The following NPSR1 variants were observed in gnomAD, a reference collection of about 807,000 sequenced individuals.
NPSR1 encodes neuropeptide S receptor.
Under a neutral mutation model 46.9 loss-of-function variants are expected in NPSR1, and 48 were observed. The observed-to-expected ratio is 1.02, with a 90% confidence interval of 0.81 to 1.30. The LOEUF (loss-of-function observed/expected upper bound fraction) is 1.30, where lower values mean the gene tolerates loss of function less well. NPSR1 is among the 50% of genes most tolerant of loss of function. NPSR1 has a pLI of 0.00. For synonymous variants in NPSR1, 176 were observed against 168.1 expected, an observed-to-expected ratio of 1.05 and a Z score of -0.36; for missense variants, 450 against 449.5, an observed-to-expected ratio of 1.00 and a Z score of -0.01.
At chr7:34,809,199 C>G (rs956401942) in intron 3 of NPSR1, among the ~76,000 whole-genome samples, 2 of 152,140 alleles carry the variant, frequency 1.3e-5, no homozygotes, top group African/African-American at 2.4e-5. Flanking sequence ...TCATGGATCA[C>G]AGGTAGAAAC....
chr7:34,741,598 G>A (rs1784943660), intron 2 of NPSR1, among the ~76,000 whole-genome samples: 1 of 152,086 alleles, frequency 6.6e-6, no homozygotes, highest in African/African-American at 2.4e-5. Flanking sequence ...GTAAAACAAA[G>A]GCACACTTTG....
intron 1 of NPSR1, among the ~76,000 whole-genome samples, chr7:34,683,154 T>A (rs1185436188): frequency 6.6e-6 from 1 of 152,052 alleles, no homozygotes; most frequent in East Asian, 1.9e-4. Context: ...ATAAAAAATT[T>A]CTTAGAAGGC....
intron 2 of NPSR1, among the ~76,000 whole-genome samples, chr7:34,770,095 G>A (rs919851759): frequency 9.9e-5 from 15 of 152,038 alleles, no homozygotes; most frequent in Admixed American, 6.6e-4. Flanking sequence ...GAGCTCCAGG[G>A]GAAAAATAGA....
rs560072320 is a variant in NPSR1 at position 34,858,214 on chromosome 7, G to A, written c.1025+9551G>A. ...CACACCCTACAGAAGTGTGAATTATGTGCACCATAATAGATATGAAAAATA... is the reference window on the plus strand; with the variant it reads ...CACACCCTACAGAAGTGTGAATTATATGCACCATAATAGATATGAAAAATA... On this transcript the variant is annotated intron_variant, in intron 8 of 8. Transcript: ENST00000359791. 1.3e-5 allele frequency among the ~76,000 whole-genome samples: 2 copies of A among 151,836 alleles called. 1 individual carries two copies. The highest frequency in any genetic ancestry group is 4.9e-5 in the African/African-American group (2 of 41,132).
chr7:34,681,737 C>T lies in NPSR1; in HGVS notation c.148-2815C>T, dbSNP rs1792647159. On this transcript the variant is annotated intron_variant, in intron 1 of 8. Coordinates refer to ENST00000360581, the MANE Select transcript of NPSR1 (RefSeq NM_207172.2). ...GTTGAAGTGCCATATTCAATGAGCA[C>T]AGTTCTGGAAAGGTCTCCAGGGACC... Among the ~76,000 whole-genome samples the T allele has an allele frequency of 3.3e-5, 5 of 152,144 alleles. No homozygotes were observed. In the South Asian group the frequency reaches 1.0e-3, roughly 32 times the overall value.
chr7:34,761,621 AG>A (rs541540713), intron 2 of NPSR1, among the ~76,000 whole-genome samples: 287 of 152,266 alleles, frequency 1.9e-3, no homozygotes, highest in African/African-American at 6.7e-3. Flanking sequence ...CCTTGGGCAA[AG>A]GGAAAAAGAC....
chr7:34,697,953 T>C (rs1163710983), intron 2 of NPSR1, among the ~76,000 whole-genome samples: 1 of 152,140 alleles, frequency 6.6e-6, no homozygotes, highest in African/African-American at 2.4e-5. Context: ...TTAAATTACC[T>C]ATTTTAATTT....
intron 4 of NPSR1, among the ~76,000 whole-genome samples, chr7:34,827,159 A>G (rs952115857): frequency 1.3e-5 from 2 of 152,214 alleles, no homozygotes; most frequent in East Asian, 3.9e-4. Flanking sequence ...CAGGAAAGAA[A>G]AAGCACCAAC....
intron 3 of NPSR1, 85 bp from the exon 4 acceptor site, chr7:34,811,685 A>G (rs925788707): frequency 7.9e-6 from 7 of 885,116 alleles, no homozygotes; most frequent in Non-Finnish European, 1.2e-5. Context: ...TCAGATTTCT[A>G]AATAACACAA....
intron 3 of NPSR1, among the ~76,000 whole-genome samples, chr7:34,802,409 C>T (rs1264493837): frequency 2.7e-5 from 4 of 149,918 alleles, no homozygotes. Context: ...AGAAATAACG[C>T]CGCATATCTA....
At chr7:34,841,511 G>A (rs951636305) in intron 6 of NPSR1, among the ~76,000 whole-genome samples, 6 of 152,232 alleles carry the variant, frequency 3.9e-5, no homozygotes, top group African/African-American at 1.4e-4. Flanking sequence ...TTAATGCACA[G>A]TGACAGCTGA....
intron 3 of NPSR1, among the ~76,000 whole-genome samples, chr7:34,808,007 G>C (rs1788794604): frequency 6.6e-6 from 1 of 152,048 alleles, no homozygotes; most frequent in Non-Finnish European, 1.5e-5. Context: ...CTTAAAACTG[G>C]GAGATTATTC....
intron 2 of NPSR1, among the ~76,000 whole-genome samples, chr7:34,703,435 A>G (rs1583843009): frequency 6.6e-6 from 1 of 152,224 alleles, no homozygotes; most frequent in East Asian, 1.9e-4. Context: ...TAGCCAGCGC[A>G]TCAGAGAAGA....
At chr7:34,743,597 G>A (rs1047665534) in intron 2 of NPSR1, among the ~76,000 whole-genome samples, 6 of 152,090 alleles carry the variant, frequency 3.9e-5, no homozygotes, top group Admixed American at 2.0e-4. Flanking sequence ...CCACTACCAC[G>A]CCTGGCTAAT....
chr7:34,712,246 A>G (rs926610112), intron 2 of NPSR1, among the ~76,000 whole-genome samples: 2 of 152,150 alleles, frequency 1.3e-5, no homozygotes, highest in Non-Finnish European at 2.9e-5. Flanking sequence ...ATATATACTT[A>G]CATAATATTA....
intron 2 of NPSR1, among the ~76,000 whole-genome samples, chr7:34,694,216 A>T (rs1793403378): frequency 6.6e-6 from 1 of 152,192 alleles, no homozygotes; most frequent in Non-Finnish European, 1.5e-5. Context: ...TTACCAAATT[A>T]TCTCTGTTCA....
At chr7:34,661,147 T>C (rs1562633220) in intron 1 of NPSR1, among the ~76,000 whole-genome samples, 1 of 152,210 alleles carries the variant, frequency 6.6e-6, no homozygotes, top group Non-Finnish European at 1.5e-5. Context: ...AAAGCATGTA[T>C]TCCCTGTGAC....
chr7:34,820,104 C>A (rs1789481608), intron 4 of NPSR1, among the ~76,000 whole-genome samples: 1 of 152,082 alleles, frequency 6.6e-6, no homozygotes, highest in South Asian at 2.1e-4. Flanking sequence ...ATGTTAAGTG[C>A]TCTTGCCACA....
chr7:34,763,191 T>A (rs139910581), intron 2 of NPSR1, among the ~76,000 whole-genome samples: 1 of 152,328 alleles, frequency 6.6e-6, no homozygotes, highest in Non-Finnish European at 1.5e-5. Context: ...CTAGCAGAGA[T>A]CTTAAAATGC....
Sources: gnomAD v4.1 joint callset for allele counts (sites outside exome capture counted in the v4.1 genomes callset) on GRCh38, gnomAD v4.1.1 for gene constraint, MANE v1.5 for transcripts, NCBI Gene and HGNC (gene_info 2026-07-23, HGNC 2026-07-21) for gene names.